The following PARG variants were observed in gnomAD, a reference collection of about 807,000 sequenced individuals.
The protein encoded by PARG is mitochondrial poly(ADP-ribose) glycohydrolase.
PARG carries 35 observed loss-of-function variants against 113.0 expected under a neutral mutation model. The ratio of observed to expected loss-of-function variants is 0.31; its 90% confidence interval spans 0.24 to 0.41. The LOEUF (loss-of-function observed/expected upper bound fraction) is 0.41, where lower values mean the gene tolerates loss of function less well. Among genes scored for constraint, PARG ranks in the 10% least tolerant of loss-of-function variants. The pLI is 1.00. For missense variants in PARG, 797 were observed against 1,169.4 expected (o/e 0.68, Z 4.64); for synonymous variants, 330 against 409.9 (o/e 0.81, Z 2.36).
chr10:49,866,119 T>C (rs1156535184), intron 10 of PARG, among the ~76,000 whole-genome samples: 1 of 151,744 alleles, frequency 6.6e-6, no homozygotes, highest in Non-Finnish European at 1.5e-5. Context: ...GATCCTTTTC[T>C]AGTCAGATTT....
At chr10:49,858,432 C>T (rs1459941933) in intron 12 of PARG, among the ~76,000 whole-genome samples, 1 of 140,006 alleles carries the variant, frequency 7.1e-6, no homozygotes, top group African/African-American at 2.7e-5. Flanking sequence ...TACCATGAGG[C>T]TTATATTCTT....
chr10:49,917,766 C>T (rs1837582682), intron 6 of PARG, among the ~76,000 whole-genome samples: 2 of 145,724 alleles, frequency 1.4e-5, no homozygotes, highest in Admixed American at 6.9e-5. Flanking sequence ...TGCAGTGAGC[C>T]GAGATTGCAC....
intron 7 of PARG, among the ~76,000 whole-genome samples, chr10:49,913,941 C>T (rs1174662290): frequency 2.6e-4 from 39 of 151,994 alleles, no homozygotes; most frequent in African/African-American, 8.9e-4. Context: ...AGGTCGAAAA[C>T]GCAAGGACTC....
chr10:49,846,068 C>G lies in PARG; in HGVS notation c.2354-2436G>C, dbSNP rs190666238. Reference sequence around the variant, plus strand: ...TAAAAAAAAAAAGACTATCACAAAACTAAAGGTGGAAACAATCCAACTATT... The same window carrying G: ...TAAAAAAAAAAAGACTATCACAAAAGTAAAGGTGGAAACAATCCAACTATT... On this transcript the variant is annotated intron_variant, in intron 13 of 17. Transcript: ENST00000616448. Among the ~76,000 whole-genome samples, 1,273 of 150,802 alleles carry G rather than the reference C, an allele frequency of 8.4e-3. 8 individuals carry two copies. Among genetic ancestry groups the G allele is most frequent in the Non-Finnish European group, 0.013 (895 of 67,658 alleles).
chr10:49,843,717 G>A (rs1554832810), intron 13 of PARG, 85 bp from the exon 14 acceptor site: 2 of 881,658 alleles, frequency 2.3e-6, no homozygotes, highest in African/African-American at 3.3e-5. Flanking sequence ...AATAACTTCT[G>A]TTTAGCACTG....
intron 16 of PARG, among the ~76,000 whole-genome samples, chr10:49,823,950 C>T (rs782418314): frequency 1.3e-5 from 2 of 151,924 alleles, no homozygotes; most frequent in African/African-American, 4.8e-5. Flanking sequence ...CATATTGTAC[C>T]ATAAGCACGT....
chr10:49,927,329 GGAAA>G (rs1838230355), intron 4 of PARG, among the ~76,000 whole-genome samples: 1 of 104,844 alleles, frequency 9.5e-6, no homozygotes, highest in African/African-American at 4.7e-5. Context: ...AAAGAAAGAA[GGAAA>G]GAAGGAAGGA....
chr10:49,821,650 G>T (rs1844087529), intron 16 of PARG, among the ~76,000 whole-genome samples: 1 of 152,200 alleles, frequency 6.6e-6, no homozygotes, highest in Admixed American at 6.5e-5. Context: ...AAAGTGTGGG[G>T]ATTACAGGCA....
At chr10:49,911,963 A>G (rs1454935999) in intron 7 of PARG, among the ~76,000 whole-genome samples, 3 of 152,356 alleles carry the variant, frequency 2.0e-5, no homozygotes, top group Admixed American at 1.3e-4. Context: ...TTTCCTTAAT[A>G]AAACAAGCCA....
rs1008179244 is a variant in PARG at position 49,843,618 on chromosome 10, T to C, written c.2368A>G (p.Ser790Gly). 2.6e-6 allele frequency: 4 copies of C among 1,549,662 alleles called. No individual in the cohort carries two copies. The Admixed American group carries it at 7.8e-5, about 30-fold the overall frequency. Residue 790 changes from serine (S) to glycine (G), a missense_variant, in exon 14 of 18, where the codon AGT becomes GGT. Ser to Gly is a moderately conservative substitution (Grantham distance 56). Coordinates refer to ENST00000616448, the MANE Select transcript of PARG (RefSeq NM_003631.5). ...CLIITGTEQY[S>G]EYTGYAETYR... ...GTCTCAGCATAGCCTGTGTATTCAC[T>C]GTACTGCTCAGTACCTGAAACAAAC...
intron 9 of PARG, among the ~76,000 whole-genome samples, chr10:49,874,767 T>G (rs1554838154): frequency 6.7e-6 from 1 of 149,736 alleles, no homozygotes; most frequent in Non-Finnish European, 1.5e-5. Context: ...GGCAGGAGAT[T>G]GGTGTGAACC....
rs1843950317 is a variant in PARG at position 49,819,346 on chromosome 10, C to T, written c.2925G>A (p.Gly975=). ...ETADHSGQRT[G]T The stretch of plus-strand genomic sequence containing the variant: ...ATGCTATTCGCTCGGCTCCTCAGGT[C>T]CCTGTCCTTTGCCCTGAATGGTCAG... Residue 975 remains glycine (G), a synonymous_variant, in exon 18 of 18, where the codon GGG becomes GGA. Coordinates refer to ENST00000616448, the MANE Select transcript of PARG (RefSeq NM_003631.5). 6.4e-7 allele frequency: 1 copy of T among 1,551,082 alleles called. No homozygotes were observed.
intron 6 of PARG, among the ~76,000 whole-genome samples, chr10:49,920,541 CACATATATAT>C (rs1837788411): frequency 8.1e-6 from 1 of 123,830 alleles, no homozygotes; most frequent in Non-Finnish European, 1.7e-5. Flanking sequence ...TATATATATA[CACATATATAT>C]ACATATATAC....
chr10:49,834,131 T>A (rs1475175240), intron 15 of PARG, among the ~76,000 whole-genome samples: 1 of 152,164 alleles, frequency 6.6e-6, no homozygotes, highest in African/African-American at 2.4e-5. Context: ...ACCTGCATAG[T>A]CAGATGCATG....
chr10:49,864,115 G>A (rs1183345959), intron 11 of PARG, among the ~76,000 whole-genome samples: 11 of 151,452 alleles, frequency 7.3e-5, no homozygotes, highest in Non-Finnish European at 1.2e-4. Context: ...CGAAACAGCG[G>A]ATCTGCCATC....
chr10:49,905,166 ATAAAGAAACT>A (rs534967897), intron 7 of PARG, among the ~76,000 whole-genome samples: 467 of 152,348 alleles, frequency 3.1e-3, no homozygotes, highest in African/African-American at 0.01. Flanking sequence ...AACCCTTAAA[ATAAAGAAACT>A]TAAAGAATTT....
At chr10:49,904,050 C>T (rs539385698) in intron 7 of PARG, among the ~76,000 whole-genome samples, 6 of 151,390 alleles carry the variant, frequency 4.0e-5, no homozygotes, top group East Asian at 2.0e-4. Flanking sequence ...GAAATAGAGC[C>T]GAAACTCAAG....
At chr10:49,892,282 GA>G (rs1363531768) in intron 7 of PARG, among the ~76,000 whole-genome samples, 2 of 151,960 alleles carry the variant, frequency 1.3e-5, no homozygotes, top group African/African-American at 4.8e-5. Flanking sequence ...TAAACAAAAA[GA>G]AAAGAAATAT....
At position 49,849,672 on chromosome 10, in the gene PARG, T is replaced by C. The variant is rs370927176; in HGVS notation, c.2354-6040A>G. Among the ~76,000 whole-genome samples the C allele has an allele frequency of 3.3e-4, 51 of 152,290 alleles. No individual in the cohort carries two copies. In the East Asian group the frequency reaches 8.9e-3, roughly 27 times the overall value. ...ACCTCAATAAATCTGTCTTAAGAAA[T>C]GGAATCTGACTCCCTCACTAGACTC... is the stretch of plus-strand genomic sequence containing the variant. On this transcript the variant is annotated intron_variant, in intron 13 of 17. Coordinates refer to ENST00000616448, the MANE Select transcript of PARG (RefSeq NM_003631.5).
Sources: allele counts gnomAD v4.1 joint callset (sites outside exome capture counted in the v4.1 genomes callset), GRCh38; gene constraint gnomAD v4.1.1; transcripts MANE v1.5; gene names NCBI Gene and HGNC (gene_info 2026-07-23, HGNC 2026-07-21).